ROBO2: variants seen among roughly 807,000 people sequenced by gnomAD.
The protein encoded by ROBO2 is roundabout homolog 2.
Under a neutral mutation model 160.8 loss-of-function variants are expected in ROBO2, and 53 were observed. That is an observed-to-expected ratio of 0.33 (90% confidence interval 0.26 to 0.41). ROBO2 has a LOEUF of 0.41. ROBO2 is among the 10% of genes least tolerant of loss of function. The pLI is 1.00. For synonymous variants in ROBO2, 664 were observed against 611.7 expected, an observed-to-expected ratio of 1.09 and a Z score of -1.26; for missense variants, 1,577 against 1,722.4, an observed-to-expected ratio of 0.92 and a Z score of 1.49.
At chr3:76,357,545 G>A (rs1001152904) in intron 2 of ROBO2, among the ~76,000 whole-genome samples, 6 of 151,910 alleles carry the variant, frequency 3.9e-5, no homozygotes, top group Non-Finnish European at 8.8e-5. Flanking sequence ...GGTTGGGGTT[G>A]GCTAGAAGGT....
At chr3:76,861,572 C>T (rs2070781971) in intron 2 of ROBO2, among the ~76,000 whole-genome samples, 1 of 152,116 alleles carries the variant, frequency 6.6e-6, no homozygotes, top group Admixed American at 6.6e-5. Flanking sequence ...GCCATCATGT[C>T]TACTGTCAAG....
intron 2 of ROBO2, among the ~76,000 whole-genome samples, chr3:76,202,692 G>A (rs570930611): frequency 3.1e-4 from 47 of 152,264 alleles, no homozygotes; most frequent in African/African-American, 1.1e-3. Flanking sequence ...GCCGATTCCT[G>A]TGTAGTTATG....
At chr3:75,981,680 A>G (rs1576371350) in intron 2 of ROBO2, among the ~76,000 whole-genome samples, 1 of 151,406 alleles carries the variant, frequency 6.6e-6, no homozygotes, top group African/African-American at 2.4e-5. Flanking sequence ...GGCACATGAG[A>G]TATTTTGATA....
chr3:77,194,573 G>T (rs2082150689), intron 2 of ROBO2, among the ~76,000 whole-genome samples: 1 of 151,894 alleles, frequency 6.6e-6, no homozygotes, highest in Non-Finnish European at 1.5e-5. Context: ...TTCATTACTG[G>T]GAATTCATTA....
intron 2 of ROBO2, among the ~76,000 whole-genome samples, chr3:76,194,350 GTAAATATATATATATATA>G (rs1387157867): frequency 3.8e-4 from 16 of 42,058 alleles, no homozygotes; most frequent in East Asian, 9.3e-4. Context: ...TGTATGGTGT[GTAAATATATATATATATA>G]TATATATATA....
At chr3:76,651,199 A>G (rs1265006382) in intron 2 of ROBO2, among the ~76,000 whole-genome samples, 3 of 152,032 alleles carry the variant, frequency 2.0e-5, no homozygotes, top group African/African-American at 7.2e-5. Context: ...TCTCAACTCA[A>G]CTTCTCTGTC....
chr3:77,118,855 G>A (rs953865510), intron 2 of ROBO2, among the ~76,000 whole-genome samples: 13 of 152,070 alleles, frequency 8.5e-5, no homozygotes, highest in Non-Finnish European at 1.5e-4. Context: ...TGACTATAAC[G>A]TGTAGCCTAT....
rs1576104323 is a variant in ROBO2, at chr3:76,251,926, T to C, written c.109+314324T>C. The stretch of plus-strand genomic sequence containing the variant: ...GAAATGGCTATGAACATCACAGAGA[T>C]GAGGTTTTATAAGAAAGACAGAAAA... On this transcript the variant is annotated intron_variant, in intron 2 of 26. Transcript: ENST00000487694. Among the ~76,000 whole-genome samples, 4 of 152,178 alleles carry C rather than the reference T, an allele frequency of 2.6e-5. No individual in the cohort carries two copies. The South Asian group carries it at 8.3e-4, about 32-fold the overall frequency.
At chr3:76,484,428 G>A (rs903149338) in intron 2 of ROBO2, among the ~76,000 whole-genome samples, 1 of 152,152 alleles carries the variant, frequency 6.6e-6, no homozygotes, top group African/African-American at 2.4e-5. Flanking sequence ...TCAGGGGCAG[G>A]AATGCTCATC....
intron 2 of ROBO2, among the ~76,000 whole-genome samples, chr3:76,336,386 T>C (rs142382018): frequency 2.6e-5 from 4 of 152,338 alleles, no homozygotes; most frequent in African/African-American, 9.6e-5. Flanking sequence ...CCCAGCTAAA[T>C]GTTATCACTA....
In ROBO2 at chr3:76,973,136, C is replaced by T. The variant is rs1487183498; in HGVS notation, c.110-124878C>T. 3.9e-5 allele frequency among the ~76,000 whole-genome samples: 6 copies of T among 152,158 alleles called. No homozygotes were observed. The South Asian group carries it at 1.2e-3, about 31-fold the overall frequency. On this transcript the variant is annotated intron_variant, in intron 2 of 26. Transcript: ENST00000487694. ...GCCCCAGAAGGAAGATAAGCTGAGACCCAAGTTCAGCTGTGTCAGAGACTA... is the reference window on the plus strand; with the variant it reads ...GCCCCAGAAGGAAGATAAGCTGAGATCCAAGTTCAGCTGTGTCAGAGACTA...
intron 5 of ROBO2, among the ~76,000 whole-genome samples, chr3:77,500,799 A>C (rs956112900): frequency 6.6e-6 from 1 of 152,194 alleles, no homozygotes. Flanking sequence ...TGGGGAGTGC[A>C]AGTTGCCTAG....
At chr3:76,313,132 T>C (rs183367363) in intron 2 of ROBO2, among the ~76,000 whole-genome samples, 65 of 152,328 alleles carry the variant, frequency 4.3e-4, no homozygotes, top group Non-Finnish European at 2.2e-4. Flanking sequence ...ATTCTGTGTA[T>C]TTTTTAAAGG....
intron 2 of ROBO2, among the ~76,000 whole-genome samples, chr3:76,429,165 C>T (rs755520510): frequency 7.2e-5 from 11 of 151,782 alleles, no homozygotes; most frequent in East Asian, 2.0e-4. Context: ...GACCAGTGGG[C>T]GCACACACAC....
chr3:76,370,022 T>G (rs937580657), intron 2 of ROBO2, among the ~76,000 whole-genome samples: 1 of 151,952 alleles, frequency 6.6e-6, no homozygotes, highest in Admixed American at 6.6e-5. Context: ...AATTATACAA[T>G]TAGTTTAGTA....
chr3:76,387,673 G>A (rs2076958339), intron 2 of ROBO2, among the ~76,000 whole-genome samples: 1 of 152,134 alleles, frequency 6.6e-6, no homozygotes, highest in African/African-American at 2.4e-5. Context: ...GAACAATGGG[G>A]ATTTAAAAAT....
At chr3:76,391,711 A>T (rs1344546073) in intron 2 of ROBO2, among the ~76,000 whole-genome samples, 1 of 152,000 alleles carries the variant, frequency 6.6e-6, no homozygotes, top group Non-Finnish European at 1.5e-5. Context: ...GGGTTTCACC[A>T]TGTTGGCCAG....
At chr3:76,220,356 A>G (rs1350653290) in intron 2 of ROBO2, among the ~76,000 whole-genome samples, 2 of 152,072 alleles carry the variant, frequency 1.3e-5, no homozygotes, top group African/African-American at 4.8e-5. Context: ...AACAAAAAAA[A>G]AACTCGATCC....
intron 2 of ROBO2, among the ~76,000 whole-genome samples, chr3:77,444,919 A>G (rs765009424): frequency 6.6e-6 from 1 of 152,212 alleles, no homozygotes; most frequent in African/African-American, 2.4e-5. Flanking sequence ...ACCAATTGCT[A>G]TGACAAGGTC....
Sources: gnomAD v4.1 joint callset for allele counts (sites outside exome capture counted in the v4.1 genomes callset) on GRCh38, gnomAD v4.1.1 for gene constraint, MANE v1.5 for transcripts, NCBI Gene and HGNC (gene_info 2026-07-23, HGNC 2026-07-21) for gene names.